Variants in ZNF445 observed in about 807,000 individuals in gnomAD.
The protein encoded by ZNF445 is zinc finger protein 445.
In ZNF445, 19 loss-of-function variants were observed where a neutral mutation model predicts 93.9. The observed-to-expected ratio is 0.20, with a 90% CI of 0.14 to 0.30. The LOEUF (loss-of-function observed/expected upper bound fraction) is 0.30. Ranked by LOEUF, ZNF445 falls within the 10% of genes least tolerant of loss-of-function variation. The pLI is 1.00. For synonymous variants in ZNF445, 449 were observed against 446.3 expected, an observed-to-expected ratio of 1.01 and a Z score of -0.08; for missense variants, 1,058 against 1,259.4, an observed-to-expected ratio of 0.84 and a Z score of 2.42.
chr3:44,468,545 G>C (rs557418587), intron 1 of ZNF445, among the ~76,000 whole-genome samples: 1 of 152,170 alleles, frequency 6.6e-6, no homozygotes, highest in African/African-American at 2.4e-5. Context: ...ACAAGATTCT[G>C]ACCCTCCCTA....
At chr3:44,459,115 T>C (rs1450891199) in intron 1 of ZNF445, among the ~76,000 whole-genome samples, 1 of 152,166 alleles carries the variant, frequency 6.6e-6, no homozygotes, top group African/African-American at 2.4e-5. Flanking sequence ...TGTGCCAGGA[T>C]AGTGGCACAT....
chr3:44,454,115 C>A (rs910364177), intron 3 of ZNF445, among the ~76,000 whole-genome samples: 4 of 151,626 alleles, frequency 2.6e-5, no homozygotes, highest in Admixed American at 2.6e-4. Context: ...GAGTTTGAGA[C>A]CAGCCTGGCC....
At chr3:44,455,882 T>C (rs1462876765) in intron 2 of ZNF445, among the ~76,000 whole-genome samples, 186 bp from the exon 3 acceptor site, 3 of 152,062 alleles carry the variant, frequency 2.0e-5, no homozygotes, top group Non-Finnish European at 2.9e-5. Flanking sequence ...ATAAAACATA[T>C]ACTGAACTTA....
intron 6 of ZNF445, 122 bp from the exon 7 acceptor site, chr3:44,449,745 G>C: frequency 1.4e-6 from 1 of 726,816 alleles, no homozygotes; most frequent in Non-Finnish European, 2.4e-6. Flanking sequence ...GGCAGCAGAA[G>C]CTAGCGAAGG....
intron 3 of ZNF445, 65 bp downstream of exon 3, chr3:44,455,056 C>T (rs1323164957): frequency 3.1e-6 from 5 of 1,600,598 alleles, no homozygotes; most frequent in Non-Finnish European, 4.3e-6. Flanking sequence ...CCACCCCCAT[C>T]CCCAGACAAG....
chr3:44,469,373 G>A (rs1050677006), intron 1 of ZNF445, among the ~76,000 whole-genome samples: 6 of 152,204 alleles, frequency 3.9e-5, no homozygotes, highest in Admixed American at 3.3e-4. Flanking sequence ...GTGTATACAC[G>A]CTTCATATTG....
At chr3:44,457,109 C>G (rs940784591) in intron 2 of ZNF445, among the ~76,000 whole-genome samples, 1 of 152,170 alleles carries the variant, frequency 6.6e-6, no homozygotes, top group South Asian at 2.1e-4. Context: ...TACACTCCAG[C>G]CTGGGTAACA....
At chr3:44,450,023 C>T in intron 6 of ZNF445, 1 of 301,252 alleles carries the variant, frequency 3.3e-6, no homozygotes, top group South Asian at 3.1e-5. Flanking sequence ...TCACTGCAGC[C>T]TCATCCTCCT....
rs879444579 is a variant in ZNF445 at position 44,433,126 on chromosome 3, CT to C, written c.*13448del. 3,563 of 141,974 alleles carry C rather than the reference CT, an allele frequency of 0.025. 38 individuals are homozygous for C. Among genetic ancestry groups the C allele is most frequent in the South Asian group, 0.057 (253 of 4,466 alleles). 8.8% of individuals were successfully genotyped at this position (141,974 alleles called of 1,614,324 possible). ...TCCTGGGATGCTAAGGGTCATCGTTCTTTTTTTTTTTTTTTCCCGCTCTGTT... is the reference window on the plus strand; with the variant it reads ...TCCTGGGATGCTAAGGGTCATCGTTCTTTTTTTTTTTTTTCCCGCTCTGTT... On this transcript the variant is annotated 3_prime_UTR_variant, in exon 8 of 8. Transcript: ENST00000396077.
chr3:44,455,782 G>C lies in ZNF445; in HGVS notation c.-147-86C>G, dbSNP rs1255025701. On this transcript the variant is annotated intron_variant, in intron 2 of 7. Transcript: ENST00000396077. ...GTTGGGATCATCTTTGTATATATAA[G>C]AAGAGCGTTTGCACAAAGGTATATG... 7 of 489,410 alleles carry C rather than the reference G, an allele frequency of 1.4e-5. No homozygotes were observed. The East Asian group carries it at 2.0e-4, about 14-fold the overall frequency. The allele number at this position is 489,410 out of a possible 1,614,324, so 30.3% of individuals were successfully genotyped here.
intron 1 of ZNF445, among the ~76,000 whole-genome samples, chr3:44,461,751 G>T (rs936766591): frequency 3.3e-5 from 5 of 152,216 alleles, no homozygotes; most frequent in African/African-American, 1.2e-4. Context: ...TGTGTGTTTT[G>T]CTGGGATAGA....
chr3:44,470,610 T>C (rs1698255543), intron 1 of ZNF445, among the ~76,000 whole-genome samples: 1 of 152,212 alleles, frequency 6.6e-6, no homozygotes, highest in Non-Finnish European at 1.5e-5. Flanking sequence ...GCAAAGCAGT[T>C]TACATATGCA....
In ZNF445 at chr3:44,455,844, T is replaced by C. The variant is rs559662910; in HGVS notation, c.-147-148A>G. The C allele has an allele frequency of 4.0e-4, 125 of 315,400 alleles. 1 individual carries two copies. The highest frequency in any genetic ancestry group is 1.5e-3 in the African/African-American group (71 of 46,680). The allele number at this position is 315,400 out of a possible 1,614,324, so 19.5% of individuals were successfully genotyped here. On this transcript the variant is annotated intron_variant, in intron 2 of 7. Coordinates refer to ENST00000396077, the MANE Select transcript of ZNF445 (RefSeq NM_181489.6). ...TAGACCAGAGCTAGGCTGTCCCCTA[T>C]TGGAGTAAGCTAAGAAAATACCCCA...
intron 3 of ZNF445, among the ~76,000 whole-genome samples, chr3:44,452,983 G>A (rs970009469): frequency 1.3e-5 from 2 of 148,208 alleles, no homozygotes; most frequent in East Asian, 2.0e-4. Context: ...GCGTGATCTC[G>A]GCTCACTGAA....
chr3:44,449,565 G>T lies in ZNF445; in HGVS notation c.879C>A (p.Gly293=). 2.5e-6 allele frequency: 4 copies of T among 1,614,148 alleles called. No homozygotes were observed. The South Asian group carries it at 4.4e-5, about 18-fold the overall frequency. ...TAGGCTGAGCTGCCTGCATGTTCAG[G>T]CCCCATGGCTCCCTTGCTTCCAACC... ...ISWLEAREPW[G]LNMQAAQPKG... Residue 293 remains glycine (G), a synonymous_variant, in exon 7 of 8, where the codon GGC becomes GGA. Transcript: ENST00000396077.
chr3:44,446,796 A>G lies in ZNF445; in HGVS notation c.2875T>C (p.Cys959Arg). ...EMPLEDCKEA[C>R]SQSSRLTGLQ... The stretch of plus-strand genomic sequence containing the variant: ...CCAGTGAGCCTGGAGCTCTGGCTGC[A>G]AGCTTCTTTGCAGTCTTCGAGGGGC... The change falls in exon 8 of 8, where the codon TGC (cysteine) becomes CGC (arginine). Residue 959 changes from cysteine (C) to arginine (R), a missense_variant. This residue lies in a region of ZNF445 where 387 missense variants were observed against 475.7 expected (regional missense o/e 0.81). Transcript: ENST00000396077. The surrounding 1 kb of genome is among the most constrained non-coding windows in gnomAD (Gnocchi z 4.2). 1 of 1,614,174 alleles carries G rather than the reference A, an allele frequency of 6.2e-7. No individual in the cohort carries two copies. The highest frequency in any genetic ancestry group is 8.5e-7 in the Non-Finnish European group (1 of 1,180,030).
At chr3:44,453,326 G>A (rs1697982270) in intron 3 of ZNF445, among the ~76,000 whole-genome samples, 1 of 149,342 alleles carries the variant, frequency 6.7e-6, no homozygotes, top group African/African-American at 2.5e-5. Context: ...ACAGCGTCTT[G>A]TTCTGTTGCC....
At chr3:44,449,144 G>A (rs954962144) in intron 7 of ZNF445, among the ~76,000 whole-genome samples, 2 of 152,152 alleles carry the variant, frequency 1.3e-5, no homozygotes, top group Non-Finnish European at 2.9e-5. Flanking sequence ...GAAAGAACAG[G>A]AGTGGGATGA....
rs1353263055 is a variant in ZNF445 at position 44,450,892 on chromosome 3, G to A, written c.669C>T (p.Thr223=). The A allele has an allele frequency of 6.3e-7, 1 of 1,593,108 alleles. No individual in the cohort carries two copies. The highest frequency in any genetic ancestry group is 1.8e-5 in the Admixed American group (1 of 56,526). Residue 223 remains threonine, a synonymous_variant, in exon 5 of 8, where the codon ACC becomes ACT. Transcript: ENST00000396077. ...CCTGGAGCTGGGCTGTCAGGGACCT[G>A]GTTGGTGTTACCTGGTCTCCCGGGC... The part of the protein sequence containing the change: ...EGCPGDQVTP[T]RSLTAQLQET...
Sources: gnomAD v4.1 joint callset for allele counts (sites outside exome capture counted in the v4.1 genomes callset) on GRCh38, gnomAD v4.1.1 for gene constraint, gnomAD v4.1.1 regional missense constraint, Gnocchi (gnomAD v3.1) non-coding constraint, MANE v1.5 for transcripts, NCBI Gene and HGNC (gene_info 2026-07-23, HGNC 2026-07-21) for gene names.